The following PRKCA variants were observed in gnomAD, a reference collection of about 807,000 sequenced individuals.
PRKCA encodes the protein protein kinase C alpha type.
Under a neutral mutation model 87.0 loss-of-function variants are expected in PRKCA, and 27 were observed. The observed-to-expected ratio is 0.31, with a 90% CI of 0.23 to 0.43. The LOEUF is 0.43. Ranked by LOEUF, PRKCA falls within the 20% of genes least tolerant of loss-of-function variation. The pLI is 1.00. For missense variants in PRKCA, 518 were observed against 852.3 expected (o/e 0.61, Z 4.88); for synonymous variants, 329 against 311.1 (o/e 1.06, Z -0.61).
intron 13 of PRKCA, among the ~76,000 whole-genome samples, chr17:66,766,556 AACTC>A (rs980742922): frequency 4.6e-5 from 7 of 152,120 alleles, no homozygotes; most frequent in African/African-American, 1.7e-4. Context: ...GTTAAAAACA[AACTC>A]ACTTTGGGAG....
chr17:66,499,744 A>G (rs1448948620), intron 3 of PRKCA, among the ~76,000 whole-genome samples: 1 of 152,210 alleles, frequency 6.6e-6, no homozygotes, highest in East Asian at 1.9e-4. Flanking sequence ...CACTTAAAAT[A>G]TCCTTGAAAG....
At chr17:66,497,721 C>T (rs983411525) in intron 3 of PRKCA, among the ~76,000 whole-genome samples, 1 of 152,210 alleles carries the variant, frequency 6.6e-6, no homozygotes, top group African/African-American at 2.4e-5. Context: ...TCTTTAATGC[C>T]TGTTCCCATC....
chr17:66,552,744 G>T (rs951613610), intron 3 of PRKCA, among the ~76,000 whole-genome samples: 1 of 152,106 alleles, frequency 6.6e-6, no homozygotes, highest in Non-Finnish European at 1.5e-5. Flanking sequence ...CTGTTCATTT[G>T]AAGTGAGCCA....
Position 66,731,775 on chromosome 17 carries a change from C to CTTTTTT in PRKCA, c.919-891_919-886dup, listed in dbSNP as rs796884841. Among the ~76,000 whole-genome samples, 5 of 71,420 alleles carry CTTTTTT rather than the reference C, an allele frequency of 7.0e-5. 1 individual carries two copies. Among genetic ancestry groups the CTTTTTT allele is most frequent in the South Asian group, 7.0e-4 (1 of 1,428 alleles). The allele number at this position is 71,420 out of a possible 152,430, so 46.9% of individuals were successfully genotyped here. ...GCAAAGGGCGCCTTGTGCTCCCTTT[C>CTTTTTT]TTTTTTTTTTTTTTTTTTTTTTTTT... On this transcript the variant is annotated intron_variant, in intron 8 of 16. Coordinates refer to ENST00000413366, the MANE Select transcript of PRKCA (RefSeq NM_002737.3).
At chr17:66,441,273 G>A (rs1442651635) in intron 2 of PRKCA, among the ~76,000 whole-genome samples, 2 of 151,626 alleles carry the variant, frequency 1.3e-5, no homozygotes, top group South Asian at 2.1e-4. Context: ...GAGGCCAGGA[G>A]TTCGAGATTG....
intron 8 of PRKCA, among the ~76,000 whole-genome samples, chr17:66,723,464 C>G (rs1269037777): frequency 2.6e-5 from 4 of 151,884 alleles, no homozygotes; most frequent in Admixed American, 1.3e-4. Context: ...CCCATCTCTA[C>G]TAAAAATACA....
chr17:66,781,887 AGTGTGTGTGT>A (rs749824745), intron 14 of PRKCA, among the ~76,000 whole-genome samples: 5 of 125,620 alleles, frequency 4.0e-5, no homozygotes, highest in South Asian at 5.0e-4. Context: ...ATATATATAT[AGTGTGTGTGT>A]GTGTGTGTGT....
intron 2 of PRKCA, among the ~76,000 whole-genome samples, chr17:66,318,644 C>T (rs1338858377): frequency 6.6e-6 from 1 of 152,074 alleles, no homozygotes; most frequent in Non-Finnish European, 1.5e-5. Flanking sequence ...TGCTTGAGGT[C>T]GGTAGTTTGA....
intron 2 of PRKCA, among the ~76,000 whole-genome samples, chr17:66,331,021 G>T (rs1410550856): frequency 6.6e-6 from 1 of 152,198 alleles, no homozygotes; most frequent in Non-Finnish European, 1.5e-5. Flanking sequence ...TTAACAAGGG[G>T]TTGTGTCTAA....
chr17:66,718,791 C>T (rs944749233), intron 8 of PRKCA, among the ~76,000 whole-genome samples: 2 of 152,218 alleles, frequency 1.3e-5, no homozygotes, highest in African/African-American at 2.4e-5. Flanking sequence ...TCCAAGACCA[C>T]TTTCTGTGTT....
At chr17:66,611,401 G>A (rs1395368979) in intron 3 of PRKCA, among the ~76,000 whole-genome samples, 1 of 152,076 alleles carries the variant, frequency 6.6e-6, no homozygotes, top group Non-Finnish European at 1.5e-5. Context: ...TGTCTCTATG[G>A]ATTTGTCTAT....
intron 3 of PRKCA, among the ~76,000 whole-genome samples, chr17:66,521,909 G>C (rs936148407): frequency 6.6e-6 from 1 of 152,202 alleles, no homozygotes; most frequent in African/African-American, 2.4e-5. Flanking sequence ...TAAATCTTCA[G>C]AATACAGAAT....
chr17:66,400,958 ATACTGGTTG>A (rs1910988104), intron 2 of PRKCA, among the ~76,000 whole-genome samples: 1 of 152,212 alleles, frequency 6.6e-6, no homozygotes, highest in Non-Finnish European at 1.5e-5. Context: ...CTATCTCAGA[ATACTGGTTG>A]TACAAAACTA....
Position 66,558,488 on chromosome 17 carries a change from C to T in PRKCA, c.288+62205C>T, listed in dbSNP as rs184588073. On this transcript the variant is annotated intron_variant, in intron 3 of 16. Transcript: ENST00000413366. ...CAAGCCAGGGAGAAAGGAGCTTGGCCGAGGGCCTAGAGCACCCGGGGCAAA... is the reference window on the plus strand; with the variant it reads ...CAAGCCAGGGAGAAAGGAGCTTGGCTGAGGGCCTAGAGCACCCGGGGCAAA... Among the ~76,000 whole-genome samples, 449 of 152,026 alleles carry T rather than the reference C, an allele frequency of 3.0e-3. 2 individuals are homozygous for T. Among genetic ancestry groups the T allele is most frequent in the African/African-American group, 9.0e-3 (374 of 41,462 alleles).
At chr17:66,801,692 C>T (rs1002857435) in intron 16 of PRKCA, among the ~76,000 whole-genome samples, 1 of 152,200 alleles carries the variant, frequency 6.6e-6, no homozygotes, top group Non-Finnish European at 1.5e-5. Flanking sequence ...AGGAAATACA[C>T]CATGGAAACG....
At chr17:66,705,502 ATTG>A (rs1973168700) in intron 8 of PRKCA, among the ~76,000 whole-genome samples, 1 of 152,242 alleles carries the variant, frequency 6.6e-6, no homozygotes, top group Non-Finnish European at 1.5e-5. Flanking sequence ...ACCAAAAAAG[ATTG>A]TGCATTCTAG....
chr17:66,399,315 A>C (rs1910882458), intron 2 of PRKCA, among the ~76,000 whole-genome samples: 1 of 151,978 alleles, frequency 6.6e-6, no homozygotes, highest in Non-Finnish European at 1.5e-5. Context: ...TCCTGAGCTC[A>C]AGTGATCCGC....
chr17:66,752,180 C>T (rs1974446565), intron 13 of PRKCA, among the ~76,000 whole-genome samples: 1 of 152,194 alleles, frequency 6.6e-6, no homozygotes, highest in African/African-American at 2.4e-5. Flanking sequence ...CTCAGTGAGT[C>T]TGGCCATAAT....
chr17:66,509,054 A>G (rs2144162327), intron 3 of PRKCA, among the ~76,000 whole-genome samples: 1 of 152,206 alleles, frequency 6.6e-6, no homozygotes, highest in African/African-American at 2.4e-5. Flanking sequence ...ACCTCAGTGT[A>G]CACACACTTA....
Sources: allele counts gnomAD v4.1 joint callset (sites outside exome capture counted in the v4.1 genomes callset), GRCh38; gene constraint gnomAD v4.1.1; transcripts MANE v1.5; gene names NCBI Gene and HGNC (gene_info 2026-07-23, HGNC 2026-07-21).